EPB41L5: variants seen among roughly 807,000 people sequenced by gnomAD.
The protein encoded by EPB41L5 is band 4.1-like protein 5.
Under a neutral mutation model 106.6 loss-of-function variants are expected in EPB41L5, and 55 were observed. That is an observed-to-expected ratio of 0.52 (90% CI 0.42 to 0.65). EPB41L5 has a LOEUF of 0.65. EPB41L5 is among the 30% of genes least tolerant of loss of function. The probability of loss-of-function intolerance (pLI) is 0.00; values close to 1 mark genes in which losing one functional copy is unlikely to be tolerated. For missense variants in EPB41L5, 871 were observed against 882.1 expected, an observed-to-expected ratio of 0.99 and a Z score of 0.16; for synonymous variants, 297 against 306.7, an observed-to-expected ratio of 0.97 and a Z score of 0.33.
At chr2:120,123,646 C>CTTTTTTTTT (rs869296989) in intron 16 of EPB41L5, among the ~76,000 whole-genome samples, 2 of 68,338 alleles carry the variant, frequency 2.9e-5, no homozygotes, top group African/African-American at 5.4e-5. Context: ...GTGTTCGTCC[C>CTTTTTTTTT]TTTTTTTTTT....
At position 120,175,136 on chromosome 2, in the gene EPB41L5, CTT is replaced by C; in HGVS notation, c.*232_*233del. 1 of 501,626 alleles carries C rather than the reference CTT, an allele frequency of 2.0e-6. No individual in the cohort carries two copies. Among genetic ancestry groups the C allele is most frequent in the Non-Finnish European group, 3.6e-6 (1 of 276,300 alleles). The allele number at this position is 501,626 out of a possible 1,614,324, so 31.1% of individuals were successfully genotyped here. A position where few individuals can be genotyped will look rare whatever the true frequency, so the allele number is the denominator to read the frequency against. On this transcript the variant is annotated 3_prime_UTR_variant, in exon 25 of 25. Coordinates refer to ENST00000263713, the MANE Select transcript of EPB41L5 (RefSeq NM_020909.4). ...AGTGTTTGGTCTTGAACTTTCTATA[CTT>C]TTATAAATGTTACAAATTCCCGAAA...
intron 16 of EPB41L5, among the ~76,000 whole-genome samples, chr2:120,124,009 T>C (rs1245070507): frequency 6.6e-6 from 1 of 152,144 alleles, no homozygotes; most frequent in Non-Finnish European, 1.5e-5. Context: ...GGTGCTCACA[T>C]TGAGGGATGA....
intron 16 of EPB41L5, among the ~76,000 whole-genome samples, chr2:120,102,215 G>A (rs1684182444): frequency 1.3e-5 from 2 of 152,106 alleles, no homozygotes; most frequent in Non-Finnish European, 2.9e-5. Flanking sequence ...CATATGAATA[G>A]GTACATATTT....
intron 2 of EPB41L5, among the ~76,000 whole-genome samples, chr2:120,037,334 C>T (rs960556651): frequency 6.6e-6 from 1 of 152,134 alleles, no homozygotes; most frequent in South Asian, 2.1e-4. Context: ...ACAGTACTAC[C>T]CAAAGTGATC....
chr2:120,065,311 C>T (rs1035876273), intron 3 of EPB41L5, among the ~76,000 whole-genome samples: 51 of 151,550 alleles, frequency 3.4e-4, no homozygotes, highest in Middle Eastern at 3.2e-3. Context: ...TTTTGGAGAC[C>T]GGTCTTACTA....
At chr2:120,083,355 A>G (rs748228474) in intron 10 of EPB41L5, among the ~76,000 whole-genome samples, 3 of 152,050 alleles carry the variant, frequency 2.0e-5, no homozygotes, top group Non-Finnish European at 1.5e-5. Flanking sequence ...CCTTCATTTC[A>G]TTATGTACCC....
chr2:120,043,523 G>T (rs986960314), intron 3 of EPB41L5, among the ~76,000 whole-genome samples: 1 of 151,816 alleles, frequency 6.6e-6, no homozygotes, highest in Non-Finnish European at 1.5e-5. Context: ...CTCCAGCTTG[G>T]GTGACAGAGC....
intron 3 of EPB41L5, among the ~76,000 whole-genome samples, chr2:120,043,546 C>CA (rs897296750): frequency 7.6e-4 from 107 of 140,976 alleles, no homozygotes; most frequent in African/African-American, 2.6e-3. Context: ...GACCCTGTCT[C>CA]AAAAAAAACA....
chr2:120,116,762 A>G, intron 16 of EPB41L5, among the ~76,000 whole-genome samples: 1 of 152,056 alleles, frequency 6.6e-6, no homozygotes, highest in Non-Finnish European at 1.5e-5. Context: ...TCCTGAGCTC[A>G]AGTGATCCTC....
At chr2:120,128,256 A>AAC (rs3084679) in intron 17 of EPB41L5, among the ~76,000 whole-genome samples, 48,565 of 145,272 alleles carry the variant, frequency 0.33, 7,875 homozygotes, top group Non-Finnish European at 0.35. Context: ...GGTGCTTTAA[A>AAC]ACACACACAC....
At chr2:120,069,202 A>C (rs1681684306) in intron 3 of EPB41L5, among the ~76,000 whole-genome samples, 1 of 151,356 alleles carries the variant, frequency 6.6e-6, no homozygotes, top group South Asian at 2.1e-4. Flanking sequence ...GATAAAACAG[A>C]CTTTAAACCA....
At chr2:120,062,798 T>G (rs1180501437) in intron 3 of EPB41L5, among the ~76,000 whole-genome samples, 1 of 151,920 alleles carries the variant, frequency 6.6e-6, no homozygotes, top group African/African-American at 2.4e-5. Flanking sequence ...AAGGTTTAAG[T>G]GAGGTCTAGT....
rs762982315 is a variant in EPB41L5 at position 120,019,063 on chromosome 2, C to T, written c.-8-14C>T. ...TTTTTTCCTGATGCCATCTTTTTCTCTCTGTTTTTATAGTGACAAAAATGC... is the reference window on the plus strand; with the variant it reads ...TTTTTTCCTGATGCCATCTTTTTCTTTCTGTTTTTATAGTGACAAAAATGC... On this transcript the variant is annotated splice_polypyrimidine_tract_variant and intron_variant, in intron 1 of 24. Coordinates refer to ENST00000263713, the MANE Select transcript of EPB41L5 (RefSeq NM_020909.4). The T allele has an allele frequency of 2.5e-6, 4 of 1,570,328 alleles. No homozygotes were observed. Among genetic ancestry groups the T allele is most frequent in the Admixed American group, 2.0e-5 (1 of 50,692 alleles).
chr2:120,137,113 C>T (rs1685956184), intron 18 of EPB41L5, among the ~76,000 whole-genome samples: 1 of 152,000 alleles, frequency 6.6e-6, no homozygotes, highest in Non-Finnish European at 1.5e-5. Flanking sequence ...CAATATGCTT[C>T]CAAATGACCA....
At position 120,151,256 on chromosome 2, in the gene EPB41L5, C is replaced by T. The variant is rs574882412; in HGVS notation, c.1793+4967C>T. ...CGGAGCTTGCAGTGAGCCGAGATCA[C>T]GCCACTGCACTCCAGCCTGGGCGAC... On this transcript the variant is annotated intron_variant, in intron 20 of 24. Coordinates refer to ENST00000263713, the MANE Select transcript of EPB41L5 (RefSeq NM_020909.4). Among the ~76,000 whole-genome samples, 423 of 151,950 alleles carry T rather than the reference C, an allele frequency of 2.8e-3. 14 individuals carry two copies. The highest frequency in any genetic ancestry group is 0.025 in the Admixed American group (379 of 15,252).
At chr2:120,076,371 A>G (rs1682233893) in intron 7 of EPB41L5, among the ~76,000 whole-genome samples, 1 of 150,584 alleles carries the variant, frequency 6.6e-6, no homozygotes, top group African/African-American at 2.4e-5. Context: ...GGGCAGTTGC[A>G]TGATTGTAGC....
At chr2:120,044,608 G>T (rs944171771) in intron 3 of EPB41L5, among the ~76,000 whole-genome samples, 5 of 152,110 alleles carry the variant, frequency 3.3e-5, no homozygotes, top group Admixed American at 3.3e-4. Context: ...AGTAACTGTG[G>T]AAAGAAACAT....
intron 21 of EPB41L5, 37 bp from the exon 22 acceptor site, chr2:120,164,799 G>A (rs1358958369): frequency 6.9e-7 from 1 of 1,442,366 alleles, no homozygotes; most frequent in African/African-American, 1.4e-5. Context: ...GATGATAAAG[G>A]GGTCATTTAA....
Position 120,164,828 on chromosome 2 carries a change from T to G in EPB41L5, c.1888-8T>G. On this transcript the variant is annotated splice_region_variant and splice_polypyrimidine_tract_variant and intron_variant, in intron 21 of 24. Transcript: ENST00000263713. ...CATTTAACAATTCTAGATTCCTGTCTTCCATAGGAAGCTACAGATGAATTG... is the reference window on the plus strand; with the variant it reads ...CATTTAACAATTCTAGATTCCTGTCGTCCATAGGAAGCTACAGATGAATTG... 1 of 1,598,258 alleles carries G rather than the reference T, an allele frequency of 6.3e-7. No individual in the cohort carries two copies. Among genetic ancestry groups the G allele is most frequent in the Non-Finnish European group, 8.5e-7 (1 of 1,172,796 alleles).
Sources: gnomAD v4.1 joint callset for allele counts (sites outside exome capture counted in the v4.1 genomes callset) on GRCh38, gnomAD v4.1.1 for gene constraint, MANE v1.5 for transcripts, NCBI Gene and HGNC (gene_info 2026-07-23, HGNC 2026-07-21) for gene names.